The following IRAK2 variants were observed in gnomAD, a reference collection of about 807,000 sequenced individuals.
The protein encoded by IRAK2 is interleukin 1 receptor associated kinase 2.
IRAK2 carries 57 observed loss-of-function variants against 72.0 expected under a neutral mutation model. The ratio of observed to expected loss-of-function variants is 0.79; its 90% CI spans 0.64 to 0.99. The LOEUF (loss-of-function observed/expected upper bound fraction) is 0.99, where lower values mean the gene tolerates loss of function less well. Among genes scored for constraint, IRAK2 ranks in the 50% least tolerant of loss-of-function variants. IRAK2 has a pLI of 0.00. For synonymous variants in IRAK2, 293 were observed against 312.7 expected, an observed-to-expected ratio of 0.94 and a Z score of 0.67; for missense variants, 790 against 794.4, an observed-to-expected ratio of 0.99 and a Z score of 0.07.
At chr3:10,222,906 G>A in intron 9 of IRAK2, 75 bp downstream of exon 9, 1 of 1,335,266 alleles carries the variant, frequency 7.5e-7, no homozygotes, top group Non-Finnish European at 1.1e-6. Context: ...GTAATCACAG[G>A]ATACGGTAGA....
intron 11 of IRAK2, among the ~76,000 whole-genome samples, chr3:10,238,197 C>A (rs1697996308): frequency 1.3e-5 from 2 of 152,100 alleles, no homozygotes; most frequent in African/African-American, 4.8e-5. Context: ...TTTAACCAAA[C>A]AACAGAGAGG....
intron 4 of IRAK2, among the ~76,000 whole-genome samples, chr3:10,212,678 G>A (rs577705137): frequency 6.6e-6 from 1 of 152,088 alleles, no homozygotes; most frequent in East Asian, 1.9e-4. Context: ...AAAAAATTGA[G>A]GCTCAGAGAG....
intron 3 of IRAK2, among the ~76,000 whole-genome samples, chr3:10,206,213 C>T (rs1395539104): frequency 6.6e-6 from 1 of 152,132 alleles, no homozygotes; most frequent in Admixed American, 6.5e-5. Flanking sequence ...CCAGGGTGTC[C>T]GTTGGCCATC....
At chr3:10,167,354 T>A (rs1263225930) in intron 1 of IRAK2, among the ~76,000 whole-genome samples, 2 of 152,198 alleles carry the variant, frequency 1.3e-5, no homozygotes, top group Non-Finnish European at 2.9e-5. Flanking sequence ...TAGTGCTCTG[T>A]GACTGACTTG....
At chr3:10,165,153 C>A in intron 1 of IRAK2, 105 bp downstream of exon 1, 1 of 995,898 alleles carries the variant, frequency 1.0e-6, no homozygotes, top group Admixed American at 2.2e-5. Flanking sequence ...TTCAGCGGGT[C>A]CCGATCCGAG....
At chr3:10,241,801 C>CAAAAA (rs4019566) in intron 12 of IRAK2, among the ~76,000 whole-genome samples, 2 of 83,144 alleles carry the variant, frequency 2.4e-5, no homozygotes, top group Non-Finnish European at 4.5e-5. Context: ...GACTCCATCT[C>CAAAAA]AAAAAAAAAA....
chr3:10,196,886 G>A (rs753062469), intron 2 of IRAK2, among the ~76,000 whole-genome samples: 64 of 152,090 alleles, frequency 4.2e-4, no homozygotes, highest in African/African-American at 1.4e-3. Context: ...CTGATTCATC[G>A]TCTGCTCACT....
At chr3:10,213,756 G>A (rs1475960736) in intron 6 of IRAK2, among the ~76,000 whole-genome samples, 3 of 152,302 alleles carry the variant, frequency 2.0e-5, no homozygotes, top group Non-Finnish European at 2.9e-5. Context: ...AGGTCACACA[G>A]CTAATGAGTG....
chr3:10,228,280 C>T (rs181520254), intron 10 of IRAK2, among the ~76,000 whole-genome samples: 2 of 152,228 alleles, frequency 1.3e-5, no homozygotes, highest in East Asian at 3.9e-4. Flanking sequence ...GAAGCATCCC[C>T]TGGGCTCTGG....
At chr3:10,178,809 A>G (rs1370909842) in intron 2 of IRAK2, among the ~76,000 whole-genome samples, 1 of 151,856 alleles carries the variant, frequency 6.6e-6, no homozygotes, top group Non-Finnish European at 1.5e-5. Context: ...CTTTTTTAAA[A>G]ACTTTTTTTT....
In IRAK2 at chr3:10,177,969, G is replaced by T; in HGVS notation, c.226G>T (p.Asp76Tyr). The T allele has an allele frequency of 6.2e-7, 1 of 1,613,664 alleles. No individual in the cohort carries two copies. The highest frequency in any genetic ancestry group is 8.5e-7 in the Non-Finnish European group (1 of 1,180,006). Residue 76 changes from aspartate to tyrosine, a missense_variant, in exon 2 of 13, where the codon GAC becomes TAC. By Grantham distance (160) the Asp-to-Tyr change is radical (BLOSUM62 -3). Transcript: ENST00000256458. ...MRQATVQQLV[D>Y]LLCRLELYRA... is the part of the protein sequence containing the mutation. ...GCAGGCCACCGTCCAGCAACTTGTGGACCTCCTGTGCCGCCTGGAGCTCTA... is the reference window on the plus strand; with the variant it reads ...GCAGGCCACCGTCCAGCAACTTGTGTACCTCCTGTGCCGCCTGGAGCTCTA...
At chr3:10,192,604 C>T (rs1353798116) in intron 2 of IRAK2, among the ~76,000 whole-genome samples, 3 of 152,198 alleles carry the variant, frequency 2.0e-5, no homozygotes, top group Non-Finnish European at 4.4e-5. Context: ...ATTAAATAGG[C>T]CACAGATATG....
At chr3:10,168,838 C>A (rs1487813289) in intron 1 of IRAK2, among the ~76,000 whole-genome samples, 1 of 152,188 alleles carries the variant, frequency 6.6e-6, no homozygotes, top group Non-Finnish European at 1.5e-5. Context: ...AGGTGCTGTT[C>A]CCTCTGCCTG....
intron 2 of IRAK2, among the ~76,000 whole-genome samples, chr3:10,198,177 C>T (rs977923057): frequency 1.3e-5 from 2 of 152,124 alleles, no homozygotes; most frequent in Admixed American, 6.5e-5. Flanking sequence ...CCAGCCTGGG[C>T]GACAGAGCGA....
At chr3:10,188,246 T>C (rs896685908) in intron 2 of IRAK2, among the ~76,000 whole-genome samples, 28 of 152,314 alleles carry the variant, frequency 1.8e-4, no homozygotes, top group African/African-American at 5.8e-4. Flanking sequence ...CTGGGTGCAC[T>C]GGCCTGTGAG....
Position 10,221,355 on chromosome 3 carries a change from G to A in IRAK2, c.1014-1281G>A, listed in dbSNP as rs1030095793. ...TGCAAGCTCCGCCTCCCAGGTTCAC[G>A]CCATTCTCCTGCCTCAGCCTCCAGA... On this transcript the variant is annotated intron_variant, in intron 8 of 12. Transcript: ENST00000256458. Among the ~76,000 whole-genome samples the A allele has an allele frequency of 4.3e-5, 6 of 140,626 alleles. No individual in the cohort carries two copies. The East Asian group carries it at 6.5e-4, about 15-fold the overall frequency. The allele number at this position is 140,626 out of a possible 152,430, so 92.3% of individuals were successfully genotyped here. A position where few individuals can be genotyped will look rare whatever the true frequency, so the allele number is the denominator to read the frequency against.
intron 2 of IRAK2, among the ~76,000 whole-genome samples, chr3:10,182,519 G>A (rs1696975914): frequency 6.6e-6 from 1 of 151,832 alleles, no homozygotes. Context: ...CTGACCACGT[G>A]ATCCGCCCGC....
At chr3:10,183,472 C>T (rs1245546400) in intron 2 of IRAK2, among the ~76,000 whole-genome samples, 3 of 152,222 alleles carry the variant, frequency 2.0e-5, no homozygotes, top group Non-Finnish European at 4.4e-5. Flanking sequence ...AATCCCAACA[C>T]TTTGGGAGGC....
intron 3 of IRAK2, among the ~76,000 whole-genome samples, chr3:10,205,370 C>T (rs944901514): frequency 2.0e-5 from 3 of 152,164 alleles, no homozygotes; most frequent in African/African-American, 7.2e-5. Context: ...GACCAGAGTC[C>T]ATTTCTTTTC....
Sources: gnomAD v4.1 joint callset for allele counts (sites outside exome capture counted in the v4.1 genomes callset) on GRCh38, gnomAD v4.1.1 for gene constraint, MANE v1.5 for transcripts, NCBI Gene and HGNC (gene_info 2026-07-23, HGNC 2026-07-21) for gene names.